The following FAF1 variants were observed in gnomAD, a reference collection of about 807,000 sequenced individuals.
FAF1 encodes FAS-associated factor 1.
FAF1 carries 25 observed loss-of-function variants against 92.5 expected under a neutral mutation model. That is an observed-to-expected ratio of 0.27 (90% confidence interval 0.20 to 0.38). The LOEUF is 0.38. Among genes scored for constraint, FAF1 ranks in the 10% least tolerant of loss-of-function variants. FAF1 has a pLI of 1.00. For synonymous variants in FAF1, 234 were observed against 273.2 expected (o/e 0.86, Z 1.42); for missense variants, 636 against 793.3 (o/e 0.80, Z 2.38).
At chr1:50,616,388 T>C (rs1011158956) in intron 8 of FAF1, among the ~76,000 whole-genome samples, 4 of 152,204 alleles carry the variant, frequency 2.6e-5, no homozygotes, top group Non-Finnish European at 5.9e-5. Context: ...ACATTGGTAG[T>C]TTGATCGGAA....
intron 8 of FAF1, among the ~76,000 whole-genome samples, chr1:50,637,681 ATGTGTG>A (rs142201244): frequency 9.3e-4 from 128 of 137,152 alleles, no homozygotes; most frequent in Admixed American, 2.1e-3. Context: ...ACATATATAT[ATGTGTG>A]TGTGTGTGTG....
At chr1:50,466,243 A>C (rs557231851) in intron 18 of FAF1, among the ~76,000 whole-genome samples, 8 of 152,178 alleles carry the variant, frequency 5.3e-5, no homozygotes, top group Non-Finnish European at 1.2e-4. Flanking sequence ...AGTTGGAGAA[A>C]GGAGAGAAAG....
intron 7 of FAF1, among the ~76,000 whole-genome samples, chr1:50,681,212 A>C (rs1656406304): frequency 6.6e-6 from 1 of 151,822 alleles, no homozygotes; most frequent in Non-Finnish European, 1.5e-5. Flanking sequence ...ACACCCAGCT[A>C]ATTTTTGTAT....
At chr1:50,671,085 A>C (rs1351748295) in intron 7 of FAF1, among the ~76,000 whole-genome samples, 1 of 152,160 alleles carries the variant, frequency 6.6e-6, no homozygotes, top group Non-Finnish European at 1.5e-5. Context: ...TAATCATCAA[A>C]TAGTCTAAAC....
intron 13 of FAF1, among the ~76,000 whole-genome samples, chr1:50,555,080 T>C (rs756484634): frequency 7.2e-4 from 109 of 151,674 alleles, no homozygotes; most frequent in Non-Finnish European, 1.3e-3. Flanking sequence ...TAGCTGGGCA[T>C]GGCGGCATGA....
intron 9 of FAF1, among the ~76,000 whole-genome samples, chr1:50,585,527 C>T (rs925420576): frequency 3.9e-5 from 6 of 152,090 alleles, no homozygotes; most frequent in Admixed American, 3.9e-4. Flanking sequence ...CTGTTATTCT[C>T]TAGGTTAGAA....
Position 50,596,156 on chromosome 1 carries a change from A to G in FAF1, c.805T>C (p.Ser269Pro). 6.2e-7 allele frequency: 1 copy of G among 1,614,022 alleles called. No homozygotes were observed. The highest frequency in any genetic ancestry group is 1.1e-5 in the South Asian group (1 of 91,078). Residue 269 changes from serine to proline, a missense_variant, in exon 9 of 19, where the codon TCT (serine) becomes CCT (proline). This residue lies in a region of FAF1 where 317 missense variants were observed against 342.4 expected (regional missense o/e 0.93). Coordinates refer to ENST00000396153, the MANE Select transcript of FAF1 (RefSeq NM_007051.3). ...TGTTCCCGGGTCTGTGCAGGTGAAG[A>G]TCTTCTTCCCACTGTAAGTCGATGG... ...PCHRLTVGRR[S>P]SPAQTREQSE...
At chr1:50,760,779 T>G (rs995037355) in intron 4 of FAF1, among the ~76,000 whole-genome samples, 2 of 151,848 alleles carry the variant, frequency 1.3e-5, no homozygotes, top group African/African-American at 4.8e-5. Flanking sequence ...TTAAAAGAAC[T>G]AGAAAAGCAA....
chr1:50,747,011 G>GC (rs569506519), intron 4 of FAF1, among the ~76,000 whole-genome samples: 5 of 152,162 alleles, frequency 3.3e-5, no homozygotes, highest in Admixed American at 2.0e-4. Context: ...AGGCATGGGG[G>GC]CCCCCGCATA....
chr1:50,653,057 T>C (rs1398532573), intron 8 of FAF1, among the ~76,000 whole-genome samples: 1 of 152,176 alleles, frequency 6.6e-6, no homozygotes, highest in African/African-American at 2.4e-5. Flanking sequence ...ATTTCTGTTT[T>C]CTTCATGCCT....
At chr1:50,526,216 T>G (rs1040016005) in intron 15 of FAF1, among the ~76,000 whole-genome samples, 1 of 151,900 alleles carries the variant, frequency 6.6e-6, no homozygotes, top group Admixed American at 6.6e-5. Context: ...CTGGTCTTGA[T>G]CTCCTGGGCT....
chr1:50,799,747 C>A (rs1041937517), intron 3 of FAF1, among the ~76,000 whole-genome samples: 1 of 152,154 alleles, frequency 6.6e-6, no homozygotes, highest in Admixed American at 6.5e-5. Context: ...CAGATGTATA[C>A]ACAGACTGCA....
chr1:50,859,187 T>C (rs1190488974), intron 1 of FAF1, among the ~76,000 whole-genome samples: 1 of 151,806 alleles, frequency 6.6e-6, no homozygotes, highest in Non-Finnish European at 1.5e-5. Flanking sequence ...GAAGCATTCC[T>C]CTTGAGAACT....
At chr1:50,800,851 G>A (rs3789588) in intron 3 of FAF1, among the ~76,000 whole-genome samples, 10,033 of 152,122 alleles carry the variant, frequency 0.066, 409 homozygotes, top group East Asian at 0.094. Context: ...AGAAATCCCA[G>A]CCACCAAAAT....
intron 1 of FAF1, among the ~76,000 whole-genome samples, chr1:50,932,201 C>T (rs937887088): frequency 2.6e-5 from 4 of 152,128 alleles, no homozygotes; most frequent in African/African-American, 9.7e-5. Context: ...CCAATCATGC[C>T]TTCCCAATAG....
chr1:50,620,552 A>G (rs542270370), intron 8 of FAF1, among the ~76,000 whole-genome samples: 21 of 152,314 alleles, frequency 1.4e-4, no homozygotes, highest in African/African-American at 4.8e-4. Flanking sequence ...TGTGTCTGTC[A>G]TTGCAGTCAT....
intron 15 of FAF1, among the ~76,000 whole-genome samples, chr1:50,531,661 T>G (rs1357743249): frequency 6.6e-6 from 1 of 152,160 alleles, no homozygotes; most frequent in Non-Finnish European, 1.5e-5. Flanking sequence ...AACCAAATAC[T>G]ACTAATGAAA....
At chr1:50,905,223 T>C (rs1023919224) in intron 1 of FAF1, among the ~76,000 whole-genome samples, 1 of 152,200 alleles carries the variant, frequency 6.6e-6, no homozygotes, top group East Asian at 1.9e-4. Context: ...AACTCATCCA[T>C]TTTTATGGCT....
chr1:50,906,342 C>G (rs192102551), intron 1 of FAF1, among the ~76,000 whole-genome samples: 151 of 152,192 alleles, frequency 9.9e-4, no homozygotes, highest in Admixed American at 3.2e-3. Flanking sequence ...TTTTGGCTTA[C>G]TATTGTCTTG....
Sources: allele counts gnomAD v4.1 joint callset (sites outside exome capture counted in the v4.1 genomes callset), GRCh38; gene constraint gnomAD v4.1.1; regional missense constraint gnomAD v4.1.1; transcripts MANE v1.5; gene names NCBI Gene and HGNC (gene_info 2026-07-23, HGNC 2026-07-21).